The following POF1B variants were observed in gnomAD, a reference collection of about 807,000 sequenced individuals.
The protein encoded by POF1B is protein POF1B.
In POF1B, 53 loss-of-function variants were observed where a neutral mutation model predicts 55.3. The observed-to-expected ratio is 0.96, with a 90% CI of 0.77 to 1.20. The LOEUF (loss-of-function observed/expected upper bound fraction) is 1.20. POF1B is among the 50% of genes most tolerant of loss of function. POF1B has a pLI of 0.00. For synonymous variants in POF1B, 188 were observed against 148.3 expected (o/e 1.27, Z -1.95); for missense variants, 478 against 420.5 (o/e 1.14, Z -1.20).
chrX:85,351,448 G>T lies in POF1B; in HGVS notation c.442C>A (p.Pro148Thr). The T allele has an allele frequency of 8.6e-7, 1 of 1,163,526 alleles. No individual in the cohort carries two copies. Among genetic ancestry groups the T allele is most frequent in the Non-Finnish European group, 1.2e-6 (1 of 860,535 alleles). The part of the protein sequence containing the change: ...KYVVQNPEQE[P>T]LSQFLRGSHF... ...CTTCCTCTTAGGAATTGAGACAGTG[G>T]TTCCTAAAATGATAGTAAATTATAT... The change falls in exon 5 of 17, where the codon CCA becomes ACA. Residue 148 changes from proline (P) to threonine (T), a missense_variant. Pro to Thr is a conservative substitution (Grantham distance 38). Transcript: ENST00000262753.
At chrX:85,356,501 T>C (rs2147942167) in intron 4 of POF1B, among the ~76,000 whole-genome samples, 1 of 109,984 alleles carries the variant, frequency 9.1e-6, no homozygotes, top group Admixed American at 9.7e-5. Flanking sequence ...GCACTAACGA[T>C]GTTGATTCTG....
chrX:85,331,581 T>A (rs1932980650), intron 6 of POF1B, among the ~76,000 whole-genome samples: 1 of 111,431 alleles, frequency 9.0e-6, no homozygotes, highest in Non-Finnish European at 1.9e-5. Flanking sequence ...CATTTCTTCA[T>A]GGTGAGAACA....
rs771164129 is a variant in POF1B, at chrX:85,282,202, C to T, written c.1764+1G>A. The T allele has an allele frequency of 8.4e-7, 1 of 1,184,488 alleles. No individual in the cohort carries two copies. The highest frequency in any genetic ancestry group is 1.1e-6 in the Non-Finnish European group (1 of 880,418). On this transcript the variant is annotated splice_donor_variant, in intron 16 of 16. Coordinates refer to ENST00000262753, the MANE Select transcript of POF1B (RefSeq NM_024921.4). LOFTEE classifies it high-confidence loss of function. Reference sequence around the variant, plus strand: ...GGCTAAAAATGCCCAAGTGAACTTACACAAGTGTATTTGTCTTCTGTTTTC... The same window carrying T: ...GGCTAAAAATGCCCAAGTGAACTTATACAAGTGTATTTGTCTTCTGTTTTC...
chrX:85,299,768 A>G (rs1170766748), intron 15 of POF1B, among the ~76,000 whole-genome samples: 1 of 111,558 alleles, frequency 9.0e-6, no homozygotes, highest in Non-Finnish European at 1.9e-5. Flanking sequence ...TCGGCCTCCC[A>G]AAGTGCTGGG....
chrX:85,304,569 A>G, intron 13 of POF1B, 98 bp from the exon 14 acceptor site: 2 of 460,894 alleles, frequency 4.3e-6, no homozygotes, highest in Non-Finnish European at 6.3e-6. Context: ...TCACACAGTT[A>G]TGAAATGAAA....
At chrX:85,309,178 G>A (rs1406061035) in intron 9 of POF1B, among the ~76,000 whole-genome samples, 1 of 110,420 alleles carries the variant, frequency 9.1e-6, no homozygotes, top group East Asian at 2.9e-4. Context: ...CAATCCGACT[G>A]ATAACGGGCC....
rs1465843920 is a variant in POF1B at position 85,282,310 on chromosome X, T to C, written c.1657A>G (p.Thr553Ala). The C allele has an allele frequency of 8.8e-7, 1 of 1,132,068 alleles. No homozygotes were observed. The highest frequency in any genetic ancestry group is 1.8e-5 in the African/African-American group (1 of 54,308). The allele number at this position is 1,132,068 out of a possible 1,213,427, so 93.3% of individuals were successfully genotyped here. A position where few individuals can be genotyped will look rare whatever the true frequency, so the allele number is the denominator to read the frequency against. The change falls in exon 16 of 17, where the codon ACA (threonine) becomes GCA (alanine). Residue 553 changes from threonine to alanine, a missense_variant. Thr to Ala is a moderately conservative substitution (Grantham distance 58). Coordinates refer to ENST00000262753, the MANE Select transcript of POF1B (RefSeq NM_024921.4). ...RTTITTKKYR[T>A]QYPILGLLYD... ...AGGAGGCCTAGGATTGGATATTGTG[T>C]CCTGTACCTGTTGGCAAGAAAAGAG...
At chrX:85,348,480 A>G (rs770114937) in intron 5 of POF1B, among the ~76,000 whole-genome samples, 2 of 110,565 alleles carry the variant, frequency 1.8e-5, no homozygotes, top group South Asian at 7.7e-4. Context: ...TTTTTCTTGA[A>G]CATTTCTCAT....
At chrX:85,369,439 C>T (rs1933784304) in intron 2 of POF1B, among the ~76,000 whole-genome samples, 2 of 110,987 alleles carry the variant, frequency 1.8e-5, no homozygotes, top group Non-Finnish European at 3.8e-5. Flanking sequence ...CTTCTCTTGA[C>T]CATCTTTCCT....
chrX:85,336,739 TTC>T (rs1283559202), intron 6 of POF1B, among the ~76,000 whole-genome samples: 1 of 111,648 alleles, frequency 9.0e-6, no homozygotes, highest in Non-Finnish European at 1.9e-5. Context: ...TGCAAATATT[TTC>T]TTTCACTCTG....
intron 6 of POF1B, among the ~76,000 whole-genome samples, chrX:85,338,987 G>A (rs1474907371): frequency 9.1e-6 from 1 of 109,576 alleles, no homozygotes; most frequent in East Asian, 2.9e-4. Flanking sequence ...AGTAGCAAAA[G>A]TCAAGATTTT....
intron 2 of POF1B, among the ~76,000 whole-genome samples, chrX:85,371,290 A>G (rs1933815985): frequency 8.9e-6 from 1 of 112,013 alleles, no homozygotes; most frequent in African/African-American, 3.3e-5. Flanking sequence ...TTTCCATACA[A>G]ACAAAACAAT....
At chrX:85,372,637 T>C (rs1033993314) in intron 2 of POF1B, among the ~76,000 whole-genome samples, 17 of 106,470 alleles carry the variant, frequency 1.6e-4, no homozygotes, top group African/African-American at 5.8e-4. Flanking sequence ...GACGGGTTGA[T>C]GGGTGCAGCA....
At chrX:85,358,038 C>T (rs185015113) in intron 4 of POF1B, among the ~76,000 whole-genome samples, 2 of 111,315 alleles carry the variant, frequency 1.8e-5, no homozygotes, top group African/African-American at 3.3e-5. Flanking sequence ...TTCCCCATAT[C>T]CAGTAAGTCA....
chrX:85,377,841 T>C (rs1603087449), intron 2 of POF1B, among the ~76,000 whole-genome samples: 2 of 112,140 alleles, frequency 1.8e-5, no homozygotes, highest in South Asian at 3.7e-4. Context: ...ATTTGTCAAA[T>C]TTCAGCTTTT....
Position 85,304,556 on chromosome X carries a change from A to G in POF1B, c.1438-85T>C, listed in dbSNP as rs747355067. 2.7e-4 allele frequency: 138 copies of G among 507,939 alleles called. 1 individual carries two copies. In the East Asian group the frequency reaches 6.6e-3, roughly 24 times the overall value. The allele number at this position is 507,939 out of a possible 1,213,427, so 41.9% of individuals were successfully genotyped here. On this transcript the variant is annotated intron_variant, in intron 13 of 16. Transcript: ENST00000262753. ...AGTTCCAGGGAGGTTAAGTGACACA[A>G]ACTCACACAGTTATGAAATGAAAGT...
Position 85,372,554 on chromosome X carries a change from T to TCA in POF1B, c.283-4790_283-4789dup, listed in dbSNP as rs772690811. Among the ~76,000 whole-genome samples the TCA allele has an allele frequency of 2.8e-5, 3 of 105,409 alleles. No homozygotes were observed. The South Asian group carries it at 1.3e-3, about 46-fold the overall frequency. The allele number at this position is 105,409 out of a possible 115,157, so 91.5% of individuals were successfully genotyped here. A position where few individuals can be genotyped will look rare whatever the true frequency, so the allele number is the denominator to read the frequency against. ...TAAAAAAGCTGTTTTCAGGGGAACA[T>TCA]CACACACAGGGGCCTGTCAGAAGAT... On this transcript the variant is annotated intron_variant, in intron 2 of 16. Coordinates refer to ENST00000262753, the MANE Select transcript of POF1B (RefSeq NM_024921.4).
intron 15 of POF1B, among the ~76,000 whole-genome samples, chrX:85,295,271 T>C (rs1603026451): frequency 9.0e-6 from 1 of 111,411 alleles, no homozygotes; most frequent in African/African-American, 3.3e-5. Context: ...TTGGATTTGG[T>C]TTGTTCTTGT....
chrX:85,370,354 C>T (rs904960096), intron 2 of POF1B, among the ~76,000 whole-genome samples: 1 of 111,937 alleles, frequency 8.9e-6, no homozygotes, highest in Non-Finnish European at 1.9e-5. Flanking sequence ...TTTAGCCCTA[C>T]TTCAGCCTTC....
Sources: gnomAD v4.1 joint callset for allele counts (sites outside exome capture counted in the v4.1 genomes callset) on GRCh38, gnomAD v4.1.1 for gene constraint, MANE v1.5 for transcripts, NCBI Gene and HGNC (gene_info 2026-07-23, HGNC 2026-07-21) for gene names.